Variants in CTNNA3 observed in about 807,000 individuals in gnomAD.
CTNNA3 encodes catenin alpha 3.
A neutral mutation model predicts 95.7 loss-of-function variants in CTNNA3; 76 were observed. That is an observed-to-expected ratio of 0.79 (90% CI 0.66 to 0.96). The LOEUF (loss-of-function observed/expected upper bound fraction) is 0.96. CTNNA3 is among the 40% of genes least tolerant of loss of function. CTNNA3 has a pLI of 0.00. For missense variants in CTNNA3, 1,191 were observed against 1,089.8 expected (o/e 1.09, Z -1.31); for synonymous variants, 431 against 374.4 (o/e 1.15, Z -1.74).
chr10:67,506,924 C>T (rs1445650947), intron 5 of CTNNA3, among the ~76,000 whole-genome samples: 2 of 152,192 alleles, frequency 1.3e-5, no homozygotes, highest in Admixed American at 6.5e-5. Context: ...CAGTGGACAA[C>T]CCAGAGCTAA....
intron 5 of CTNNA3, among the ~76,000 whole-genome samples, chr10:67,259,298 TTA>T (rs1178181059): frequency 2.0e-5 from 3 of 152,212 alleles, no homozygotes; most frequent in African/African-American, 7.2e-5. Context: ...CTCCATATTT[TTA>T]TAGATTGGAG....
At chr10:66,718,273 T>C (rs189107256) in intron 9 of CTNNA3, among the ~76,000 whole-genome samples, 1 of 152,234 alleles carries the variant, frequency 6.6e-6, no homozygotes, top group East Asian at 1.9e-4. Context: ...CATTATTTTT[T>C]ACACAATGGC....
intron 10 of CTNNA3, among the ~76,000 whole-genome samples, chr10:66,617,639 G>A (rs903920211): frequency 6.6e-6 from 1 of 152,060 alleles, no homozygotes; most frequent in African/African-American, 2.4e-5. Flanking sequence ...CATTCCCTTT[G>A]AAAACTGGCA....
chr10:66,684,660 T>C (rs1012256499), intron 9 of CTNNA3, among the ~76,000 whole-genome samples: 2 of 152,158 alleles, frequency 1.3e-5, no homozygotes, highest in African/African-American at 2.4e-5. Flanking sequence ...TCTGTGAGTA[T>C]ATTAAATTTT....
intron 7 of CTNNA3, among the ~76,000 whole-genome samples, chr10:66,785,687 A>G (rs181618816): frequency 2.6e-5 from 4 of 152,300 alleles, no homozygotes; most frequent in Non-Finnish European, 5.9e-5. Flanking sequence ...CAAGTTCTCC[A>G]GCTTGCACAC....
At chr10:66,823,091 C>T (rs1420134189) in intron 7 of CTNNA3, among the ~76,000 whole-genome samples, 2 of 152,156 alleles carry the variant, frequency 1.3e-5, no homozygotes, top group Non-Finnish European at 2.9e-5. Context: ...GTAGCACAGT[C>T]CCAGACCAGT....
chr10:66,722,926 C>T (rs1848673732), intron 9 of CTNNA3, among the ~76,000 whole-genome samples: 1 of 152,040 alleles, frequency 6.6e-6, no homozygotes, highest in African/African-American at 2.4e-5. Context: ...AGTCAGTGTC[C>T]CTTCCGTCCA....
At chr10:67,711,884 T>C (rs1409736104) in intron 1 of CTNNA3, among the ~76,000 whole-genome samples, 1 of 151,970 alleles carries the variant, frequency 6.6e-6, no homozygotes, top group Non-Finnish European at 1.5e-5. Context: ...ATTTCCAATT[T>C]CATCCATGTC....
intron 9 of CTNNA3, among the ~76,000 whole-genome samples, chr10:66,643,126 A>C (rs1477402381): frequency 6.6e-6 from 1 of 152,184 alleles, no homozygotes; most frequent in African/African-American, 2.4e-5. Context: ...AGAGAATAAC[A>C]AATCATCACA....
intron 5 of CTNNA3, among the ~76,000 whole-genome samples, chr10:67,225,416 A>G (rs1864860820): frequency 1.3e-5 from 2 of 152,196 alleles, no homozygotes; most frequent in East Asian, 3.9e-4. Context: ...GAGGCCAACC[A>G]GCACAAAAAT....
At chr10:67,555,867 T>C (rs1251681464) in intron 3 of CTNNA3, among the ~76,000 whole-genome samples, 1 of 152,214 alleles carries the variant, frequency 6.6e-6, no homozygotes, top group African/African-American at 2.4e-5. Context: ...TTTTTGCCCA[T>C]TCAGTATGAT....
At chr10:66,868,697 G>A (rs1488084774) in intron 7 of CTNNA3, among the ~76,000 whole-genome samples, 1 of 149,812 alleles carries the variant, frequency 6.7e-6, no homozygotes, top group African/African-American at 2.5e-5. Context: ...GTTGCAGTGA[G>A]CCAGTATCAA....
chr10:66,821,404 T>C (rs1305710031), intron 7 of CTNNA3, among the ~76,000 whole-genome samples: 1 of 151,866 alleles, frequency 6.6e-6, no homozygotes, highest in Non-Finnish European at 1.5e-5. Context: ...ACAACGGAGA[T>C]CAATATAAAA....
intron 5 of CTNNA3, among the ~76,000 whole-genome samples, chr10:67,344,763 G>A (rs1329812138): frequency 6.6e-6 from 1 of 151,728 alleles, no homozygotes; most frequent in Non-Finnish European, 1.5e-5. Flanking sequence ...CTAAAGGTTT[G>A]TCAATTTTGT....
intron 13 of CTNNA3, among the ~76,000 whole-genome samples, chr10:66,114,707 C>T (rs910537433): frequency 6.6e-5 from 10 of 151,266 alleles, no homozygotes; most frequent in African/African-American, 1.9e-4. Context: ...GGTGAAACCC[C>T]GTCTCTACTA....
intron 15 of CTNNA3, among the ~76,000 whole-genome samples, chr10:66,034,561 G>A (rs910043876): frequency 6.6e-6 from 1 of 152,132 alleles, no homozygotes; most frequent in Non-Finnish European, 1.5e-5. Context: ...TGATTCAAAA[G>A]CTAGCTTCTA....
chr10:67,673,178 T>TAAG (rs1453197895), intron 1 of CTNNA3, among the ~76,000 whole-genome samples: 1 of 151,276 alleles, frequency 6.6e-6, no homozygotes, highest in East Asian at 1.9e-4. Flanking sequence ...TATTGGTGTA[T>TAAG]AAGAATGCTT....
intron 13 of CTNNA3, among the ~76,000 whole-genome samples, chr10:66,115,918 A>G (rs2082325760): frequency 6.6e-6 from 1 of 152,146 alleles, no homozygotes; most frequent in East Asian, 1.9e-4. Context: ...TCAGATCTAT[A>G]TTAGACTTTT....
intron 7 of CTNNA3, among the ~76,000 whole-genome samples, chr10:67,096,258 G>A (rs1300286915): frequency 1.3e-5 from 2 of 151,540 alleles, no homozygotes; most frequent in African/African-American, 4.8e-5. Flanking sequence ...ATTTGCTCCA[G>A]GAATTTTCAC....
Sources: gnomAD v4.1 joint callset for allele counts (sites outside exome capture counted in the v4.1 genomes callset) on GRCh38, gnomAD v4.1.1 for gene constraint, MANE v1.5 for transcripts, NCBI Gene and HGNC (gene_info 2026-07-23, HGNC 2026-07-21) for gene names.